TRHDE: variants seen among roughly 807,000 people sequenced by gnomAD.
TRHDE encodes thyrotropin releasing hormone degrading enzyme.
TRHDE carries 72 observed loss-of-function variants against 125.7 expected under a neutral mutation model. That is an observed-to-expected ratio of 0.57 (90% confidence interval 0.47 to 0.70). The LOEUF (loss-of-function observed/expected upper bound fraction) is 0.70. Ranked by LOEUF, TRHDE falls within the 30% of genes least tolerant of loss-of-function variation. The probability of loss-of-function intolerance (pLI) is 0.00; values close to 1 mark genes in which losing one functional copy is unlikely to be tolerated. For synonymous variants in TRHDE, 509 were observed against 509.1 expected, an observed-to-expected ratio of 1.00 and a Z score of 0.00; for missense variants, 1,110 against 1,327.1, an observed-to-expected ratio of 0.84 and a Z score of 2.54.
At chr12:72,652,905 C>A (rs1226953086) in intron 16 of TRHDE, 111 bp from the exon 17 acceptor site, 1 of 787,238 alleles carries the variant, frequency 1.3e-6, no homozygotes, top group Non-Finnish European at 1.9e-6. Context: ...AAAGATTGCA[C>A]TAGACTATTC....
chr12:72,509,514 C>G (rs557691550), intron 6 of TRHDE, among the ~76,000 whole-genome samples: 1 of 152,242 alleles, frequency 6.6e-6, no homozygotes, highest in Admixed American at 6.5e-5. Flanking sequence ...TTGAATTGGC[C>G]TTTCTCGTTG....
At chr12:72,514,084 T>C (rs1032814389) in intron 6 of TRHDE, among the ~76,000 whole-genome samples, 2 of 152,136 alleles carry the variant, frequency 1.3e-5, no homozygotes, top group Non-Finnish European at 2.9e-5. Flanking sequence ...TTAAAATGGC[T>C]GGTCCTGGAC....
intron 2 of TRHDE, among the ~76,000 whole-genome samples, chr12:72,237,898 G>A (rs1272162163): frequency 6.6e-6 from 1 of 152,080 alleles, no homozygotes; most frequent in Non-Finnish European, 1.5e-5. Context: ...GTAGCACAAA[G>A]AGCTAGTGCA....
chr12:72,640,852 T>C (rs1007582086), intron 15 of TRHDE, among the ~76,000 whole-genome samples: 1 of 152,168 alleles, frequency 6.6e-6, no homozygotes, highest in African/African-American at 2.4e-5. Context: ...ATAAATTAAT[T>C]GTTAGGCCTC....
At chr12:72,215,297 C>A (rs3928252) in intron 2 of TRHDE, among the ~76,000 whole-genome samples, 1 of 151,726 alleles carries the variant, frequency 6.6e-6, no homozygotes, top group African/African-American at 2.4e-5. Context: ...AGGCAAGGAC[C>A]GGCCATTTAC....
chr12:72,282,302 A>C (rs7314135), intron 1 of TRHDE, among the ~76,000 whole-genome samples: 133,516 of 152,058 alleles, frequency 0.88, 58,662 homozygotes, highest in East Asian at 0.94. Flanking sequence ...TTTTATATTT[A>C]TTATACTTGG....
At position 72,387,254 on chromosome 12, in the gene TRHDE, T is replaced by A. The variant is rs371290529; in HGVS notation, c.1315+9133T>A. The stretch of plus-strand genomic sequence containing the variant: ...AAATCTTGGCCTTAGATACTTTTTC[T>A]GTAATATGACACATCTGACCTATCA... On this transcript the variant is annotated intron_variant, in intron 3 of 18. Coordinates refer to ENST00000261180, the MANE Select transcript of TRHDE (RefSeq NM_013381.3). 5.9e-5 allele frequency among the ~76,000 whole-genome samples: 9 copies of A among 152,330 alleles called. No individual in the cohort carries two copies. The East Asian group carries it at 1.7e-3, about 29-fold the overall frequency.
intron 2 of TRHDE, among the ~76,000 whole-genome samples, chr12:72,323,500 G>T (rs1385711772): frequency 2.0e-5 from 3 of 152,092 alleles, no homozygotes; most frequent in Admixed American, 1.3e-4. Context: ...CATTTAGGTG[G>T]TCATGCCTCT....
intron 3 of TRHDE, among the ~76,000 whole-genome samples, chr12:72,466,919 T>C (rs1040667118): frequency 2.0e-5 from 3 of 152,184 alleles, no homozygotes; most frequent in Non-Finnish European, 4.4e-5. Flanking sequence ...ATTGACGTCC[T>C]GCACACGCTC....
chr12:72,623,727 G>T (rs1873145551), intron 15 of TRHDE, among the ~76,000 whole-genome samples: 1 of 152,034 alleles, frequency 6.6e-6, no homozygotes, highest in African/African-American at 2.4e-5. Flanking sequence ...ATAGGGGCAG[G>T]ACTGAAGGCA....
chr12:72,552,241 C>CA (rs1174699131), intron 7 of TRHDE, among the ~76,000 whole-genome samples: 1 of 151,192 alleles, frequency 6.6e-6, no homozygotes, highest in Non-Finnish European at 1.5e-5. Flanking sequence ...AGGGATTGGG[C>CA]AAAAAAAGTG....
chr12:72,098,978 A>AACCTGGCCC (rs1875002963), intron 1 of TRHDE, among the ~76,000 whole-genome samples: 1 of 152,186 alleles, frequency 6.6e-6, no homozygotes, highest in Non-Finnish European at 1.5e-5. Context: ...CAACCTGGCC[A>AACCTGGCCC]ACATGGTGAA....
intron 12 of TRHDE, among the ~76,000 whole-genome samples, chr12:72,607,643 T>G (rs1183315971): frequency 6.6e-6 from 1 of 152,144 alleles, no homozygotes; most frequent in Admixed American, 6.5e-5. Context: ...TAAGTATCAT[T>G]TTGACCTTAT....
At chr12:72,292,618 G>T (rs973436425) in intron 2 of TRHDE, among the ~76,000 whole-genome samples, 2 of 152,122 alleles carry the variant, frequency 1.3e-5, no homozygotes, top group Non-Finnish European at 2.9e-5. Flanking sequence ...ACATAACAAA[G>T]GTCCCCTTTC....
chr12:72,097,216 T>C (rs3936756), intron 1 of TRHDE, among the ~76,000 whole-genome samples: 151,049 of 152,264 alleles, frequency 0.99, 74,939 homozygotes, highest in East Asian at 1. Flanking sequence ...GTCTGGCAGG[T>C]GGGTAAGAGG....
At chr12:72,434,649 T>C (rs1473722657) in intron 3 of TRHDE, among the ~76,000 whole-genome samples, 2 of 152,164 alleles carry the variant, frequency 1.3e-5, no homozygotes, top group East Asian at 1.9e-4. Flanking sequence ...ATGGACAAAA[T>C]GACCTTGTAC....
chr12:72,587,041 TA>T (rs1871469995), intron 12 of TRHDE, among the ~76,000 whole-genome samples: 1 of 152,094 alleles, frequency 6.6e-6, no homozygotes, highest in South Asian at 2.1e-4. Context: ...AGTGTGCAAA[TA>T]TAAAAAAGTT....
At chr12:72,301,553 A>G (rs1171651510) in intron 2 of TRHDE, among the ~76,000 whole-genome samples, 1 of 152,194 alleles carries the variant, frequency 6.6e-6, no homozygotes, top group Admixed American at 6.5e-5. Flanking sequence ...AGTTAGTGGA[A>G]ATAGCACTGG....
At chr12:72,397,156 G>A (rs1268734392) in intron 3 of TRHDE, among the ~76,000 whole-genome samples, 2 of 152,114 alleles carry the variant, frequency 1.3e-5, no homozygotes, top group Non-Finnish European at 2.9e-5. Flanking sequence ...CATGCATCAG[G>A]CTGCTCTTGT....
Sources: allele counts gnomAD v4.1 joint callset (sites outside exome capture counted in the v4.1 genomes callset), GRCh38; gene constraint gnomAD v4.1.1; transcripts MANE v1.5; gene names NCBI Gene and HGNC (gene_info 2026-07-23, HGNC 2026-07-21).